ABCB1: variants seen among roughly 807,000 people sequenced by gnomAD.
The protein encoded by ABCB1 is ATP binding cassette subfamily B member 1, also known as ATP-dependent translocase ABCB1.
In ABCB1, 69 loss-of-function variants were observed where a neutral mutation model predicts 142.0. That is an observed-to-expected ratio of 0.49 (90% CI 0.40 to 0.59). ABCB1 has a LOEUF of 0.59. Ranked by LOEUF, ABCB1 falls within the 20% of genes least tolerant of loss-of-function variation. The probability of loss-of-function intolerance (pLI) is 0.00; values close to 1 mark genes in which losing one functional copy is unlikely to be tolerated. For missense variants in ABCB1, 1,326 were observed against 1,554.7 expected (o/e 0.85, Z 2.47); for synonymous variants, 532 against 539.2 (o/e 0.99, Z 0.18).
chr7:87,631,454 G>A (rs1821212024), intron 1 of ABCB1, among the ~76,000 whole-genome samples: 1 of 152,060 alleles, frequency 6.6e-6, no homozygotes, highest in Admixed American at 6.5e-5. Flanking sequence ...GCAGTGGCGC[G>A]ATCTCGGCTC....
chr7:87,664,442 G>A (rs887569794), intron 1 of ABCB1, among the ~76,000 whole-genome samples: 1 of 152,154 alleles, frequency 6.6e-6, no homozygotes, highest in Admixed American at 6.6e-5. Flanking sequence ...CTTATTGTGA[G>A]ATGACCCAGA....
chr7:87,544,286 C>G lies in ABCB1; in HGVS notation c.2065-11G>C, dbSNP rs762015011. ...AGGTATACTTTCATCCTAGAAAACA[C>G]AAATTATTACAACAGGCTAGTTAAA... On this transcript the variant is annotated splice_polypyrimidine_tract_variant and intron_variant, in intron 16 of 27. Coordinates refer to ENST00000622132, the MANE Select transcript of ABCB1 (RefSeq NM_001348946.2). The G allele has an allele frequency of 6.2e-7, 1 of 1,611,992 alleles. No homozygotes were observed. The highest frequency in any genetic ancestry group is 1.1e-5 in the South Asian group (1 of 90,964).
intron 1 of ABCB1, among the ~76,000 whole-genome samples, chr7:87,701,545 G>T (rs1033165503): frequency 6.6e-6 from 1 of 152,190 alleles, no homozygotes. Context: ...ACAAAATCAT[G>T]TATGGGTAAA....
At chr7:87,547,541 A>G (rs974164200) in intron 14 of ABCB1, among the ~76,000 whole-genome samples, 12 of 151,676 alleles carry the variant, frequency 7.9e-5, no homozygotes, top group African/African-American at 2.9e-4. Context: ...CAGTCGGGGC[A>G]AGATAGTGAG....
chr7:87,625,136 A>T (rs2130112716), intron 1 of ABCB1, among the ~76,000 whole-genome samples: 1 of 152,276 alleles, frequency 6.6e-6, no homozygotes, highest in South Asian at 2.1e-4. Context: ...AGGCGCCTGT[A>T]GTCCCAGCGA....
At chr7:87,606,790 G>C in intron 1 of ABCB1, among the ~76,000 whole-genome samples, 1 of 151,918 alleles carries the variant, frequency 6.6e-6, no homozygotes, top group East Asian at 1.9e-4. Flanking sequence ...TTCTGTATTT[G>C]AGAAATTTCC....
In ABCB1 at chr7:87,549,499, C is replaced by G; in HGVS notation, c.1574G>C (p.Gly525Ala). The change falls in exon 14 of 28, where the codon GGA (glycine) becomes GCA (alanine). Residue 525 changes from glycine to alanine, a missense_variant. By Grantham distance (60) the Gly-to-Ala change is moderately conservative. Transcript: ENST00000622132. ...KLPHKFDTLV[G>A]ERGAQLSGGQ... ...ACCACTCAACTGGGCCCCTCTCTCT[C>G]CAACCAGGGTGTCAAATTTCTACCA... 6.2e-7 allele frequency: 1 copy of G among 1,614,178 alleles called. No individual in the cohort carries two copies. The highest frequency in any genetic ancestry group is 1.7e-5 in the Admixed American group (1 of 60,020).
chr7:87,562,425 C>A (rs1817597569), intron 7 of ABCB1, among the ~76,000 whole-genome samples: 1 of 152,118 alleles, frequency 6.6e-6, no homozygotes, highest in Admixed American at 6.5e-5. Context: ...CAGCGCCATC[C>A]CTTAACAAAC....
At chr7:87,621,749 A>G (rs749905516) in intron 1 of ABCB1, among the ~76,000 whole-genome samples, 22 of 152,146 alleles carry the variant, frequency 1.4e-4, no homozygotes, top group Non-Finnish European at 2.5e-4. Flanking sequence ...AAAATTAAGT[A>G]TATATTTCTC....
At chr7:87,524,271 A>G (rs551401195) in intron 21 of ABCB1, among the ~76,000 whole-genome samples, 5 of 152,296 alleles carry the variant, frequency 3.3e-5, no homozygotes, top group Admixed American at 3.3e-4. Flanking sequence ...TGTTTACCAC[A>G]AGATACTTAG....
chr7:87,676,703 CAAAAAAAAAAAAAAAA>C (rs57480483), intron 1 of ABCB1, among the ~76,000 whole-genome samples: 4 of 45,432 alleles, frequency 8.8e-5, no homozygotes, highest in Non-Finnish European at 1.8e-4. Flanking sequence ...GACCCTGTCT[CAAAAAAAAAAAAAAAA>C]AAAAAAAAAA....
At chr7:87,569,180 A>G (rs1364447771) in intron 5 of ABCB1, among the ~76,000 whole-genome samples, 1 of 151,958 alleles carries the variant, frequency 6.6e-6, no homozygotes, top group Non-Finnish European at 1.5e-5. Flanking sequence ...TAAAAATACA[A>G]AAATTAGCTG....
intron 7 of ABCB1, among the ~76,000 whole-genome samples, chr7:87,565,027 T>C (rs1258595130): frequency 2.6e-5 from 4 of 152,170 alleles, no homozygotes; most frequent in African/African-American, 9.7e-5. Context: ...GAGCAAAAAA[T>C]TAACAGAGAC....
chr7:87,703,100 T>G (rs1401222279), intron 1 of ABCB1, among the ~76,000 whole-genome samples: 1 of 152,216 alleles, frequency 6.6e-6, no homozygotes, highest in Non-Finnish European at 1.5e-5. Flanking sequence ...GATTGAAAAT[T>G]GATATTTACA....
chr7:87,523,005 T>G lies in ABCB1; in HGVS notation c.2686-2129A>C, dbSNP rs527805730. ...TTTTCAATTCCTTTTTTATTAAAAATAGTGGTGAGATAAACATCTTTGTAC... is the reference window on the plus strand; with the variant it reads ...TTTTCAATTCCTTTTTTATTAAAAAGAGTGGTGAGATAAACATCTTTGTAC... On this transcript the variant is annotated intron_variant, in intron 21 of 27. Coordinates refer to ENST00000622132, the MANE Select transcript of ABCB1 (RefSeq NM_001348946.2). Among the ~76,000 whole-genome samples, 3 of 152,334 alleles carry G rather than the reference T, an allele frequency of 2.0e-5. No individual in the cohort carries two copies. In the South Asian group the frequency reaches 6.2e-4, roughly 32 times the overall value.
intron 1 of ABCB1, among the ~76,000 whole-genome samples, chr7:87,681,755 A>G (rs1314017255): frequency 2.9e-5 from 4 of 137,974 alleles, no homozygotes; most frequent in South Asian, 2.2e-4. Context: ...GCTTACAGCT[A>G]TAATCCCAGC....
At chr7:87,571,735 A>T (rs1420182467) in intron 4 of ABCB1, among the ~76,000 whole-genome samples, 2 of 152,212 alleles carry the variant, frequency 1.3e-5, no homozygotes, top group African/African-American at 2.4e-5. Context: ...AGTGCCTGGC[A>T]CATTCAATTG....
intron 1 of ABCB1, among the ~76,000 whole-genome samples, chr7:87,686,163 T>C (rs1005642712): frequency 5.3e-5 from 8 of 152,224 alleles, no homozygotes; most frequent in Non-Finnish European, 7.3e-5. Context: ...TTTTTTTTCT[T>C]ACAATTTTTC....
chr7:87,566,354 G>T, intron 6 of ABCB1, 113 bp from the exon 7 acceptor site: 1 of 1,119,676 alleles, frequency 8.9e-7, no homozygotes, highest in Non-Finnish European at 1.3e-6. Flanking sequence ...TTGTGCCTAT[G>T]CTTTGTTTTA....
Sources: gnomAD v4.1 joint callset for allele counts (sites outside exome capture counted in the v4.1 genomes callset) on GRCh38, gnomAD v4.1.1 for gene constraint, MANE v1.5 for transcripts, NCBI Gene and HGNC (gene_info 2026-07-23, HGNC 2026-07-21) for gene names.